The following IFT122 variants were observed in gnomAD, a reference collection of about 807,000 sequenced individuals.
IFT122 encodes the protein intraflagellar transport 122, also known as intraflagellar transport protein 122 homolog.
IFT122 carries 118 observed loss-of-function variants against 161.6 expected under a neutral mutation model. The observed-to-expected ratio is 0.73, with a 90% CI of 0.63 to 0.85. The LOEUF (loss-of-function observed/expected upper bound fraction) is 0.85. IFT122 is among the 40% of genes least tolerant of loss of function. IFT122 has a pLI of 0.00. For synonymous variants in IFT122, 550 were observed against 602.4 expected, an observed-to-expected ratio of 0.91 and a Z score of 1.27; for missense variants, 1,381 against 1,579.6, an observed-to-expected ratio of 0.87 and a Z score of 2.13.
chr3:129,466,752 C>G (rs535052561), intron 7 of IFT122, 138 bp from the exon 8 acceptor site: 2 of 793,896 alleles, frequency 2.5e-6, no homozygotes, highest in Admixed American at 3.6e-5. Flanking sequence ...ATTCACTTGC[C>G]TCGGCCTCCT....
intron 7 of IFT122, among the ~76,000 whole-genome samples, chr3:129,465,396 C>A (rs1380773755): frequency 1.3e-5 from 2 of 151,514 alleles, no homozygotes; most frequent in Non-Finnish European, 2.9e-5. Context: ...TGGCACCTAC[C>A]TTCTTAAATT....
intron 17 of IFT122, among the ~76,000 whole-genome samples, chr3:129,492,816 C>CT (rs376279677): frequency 0.09 from 11,363 of 125,690 alleles, 928 homozygotes; most frequent in African/African-American, 0.2. Flanking sequence ...CTTTTTTTTT[C>CT]TTTTTTTTTT....
intron 3 of IFT122, 179 bp downstream of exon 3, chr3:129,452,177 T>C (rs1281523603): frequency 1.3e-5 from 8 of 606,662 alleles, no homozygotes; most frequent in African/African-American, 1.3e-4. Flanking sequence ...ATTGAGGTCA[T>C]CTATGTTCCA....
At chr3:129,516,001 C>T (rs186776586) in intron 26 of IFT122, among the ~76,000 whole-genome samples, 19 of 151,904 alleles carry the variant, frequency 1.3e-4, no homozygotes, top group African/African-American at 3.6e-4. Context: ...CAGACACACA[C>T]GCACACACAG....
intron 13 of IFT122, among the ~76,000 whole-genome samples, chr3:129,481,198 A>G (rs1376010077): frequency 6.6e-6 from 1 of 152,168 alleles, no homozygotes; most frequent in African/African-American, 2.4e-5. Context: ...TTCGTGACTC[A>G]GATCTCTGCT....
chr3:129,499,467 A>C (rs984859402), intron 18 of IFT122, among the ~76,000 whole-genome samples: 1 of 152,160 alleles, frequency 6.6e-6, no homozygotes, highest in African/African-American at 2.4e-5. Flanking sequence ...ACAGGTCTCG[A>C]TATGTGGAAT....
intron 14 of IFT122, among the ~76,000 whole-genome samples, chr3:129,482,166 C>G (rs534759841): frequency 4.3e-4 from 65 of 152,214 alleles, no homozygotes; most frequent in Non-Finnish European, 7.6e-4. Flanking sequence ...GATGGGCAAG[C>G]CTGGCCTTCT....
chr3:129,466,616 C>T (rs779898200), intron 7 of IFT122, among the ~76,000 whole-genome samples: 7 of 151,246 alleles, frequency 4.6e-5, no homozygotes, highest in Non-Finnish European at 8.8e-5. Flanking sequence ...ATCCTCTCAC[C>T]TCAGCCTCCC....
chr3:129,479,429 C>T (rs553446736), intron 12 of IFT122, among the ~76,000 whole-genome samples: 2 of 152,170 alleles, frequency 1.3e-5, no homozygotes, highest in South Asian at 4.2e-4. Flanking sequence ...GAGTGAGACT[C>T]TGTCTCAAAA....
chr3:129,493,743 T>A (rs1187592084), intron 17 of IFT122, among the ~76,000 whole-genome samples: 2 of 152,216 alleles, frequency 1.3e-5, no homozygotes, highest in Non-Finnish European at 2.9e-5. Context: ...CACTTGTAAA[T>A]CCACTGGCCT....
At position 129,498,716 on chromosome 3, in the gene IFT122, T is replaced by C. The variant is rs188203356; in HGVS notation, c.2209-1186T>C. On this transcript the variant is annotated intron_variant, in intron 18 of 29. Transcript: ENST00000348417. ...ACATTGACTGTACTTTTCTGACACA[T>C]GAGTGTTAATCATGGGGAAAGGAGT... Among the ~76,000 whole-genome samples, 570 of 152,322 alleles carry C rather than the reference T, an allele frequency of 3.7e-3. 4 individuals carry two copies. The highest frequency in any genetic ancestry group is 0.013 in the African/African-American group (547 of 41,568).
At chr3:129,464,206 C>T (rs940430397) in intron 6 of IFT122, among the ~76,000 whole-genome samples, 3 of 152,290 alleles carry the variant, frequency 2.0e-5, no homozygotes, top group Middle Eastern at 3.4e-3. Flanking sequence ...AGGAGTATAT[C>T]CCTTCCGTTC....
intron 7 of IFT122, 147 bp from the exon 8 acceptor site, chr3:129,466,743 T>C (rs2076837538): frequency 2.7e-6 from 2 of 748,960 alleles, no homozygotes; most frequent in Non-Finnish European, 4.7e-6. Flanking sequence ...TCTCGAGCGA[T>C]TCACTTGCCT....
intron 6 of IFT122, 77 bp from the exon 7 acceptor site, chr3:129,464,558 A>G: frequency 6.4e-7 from 1 of 1,563,686 alleles, no homozygotes; most frequent in Non-Finnish European, 8.8e-7. Context: ...TTTCAAACCA[A>G]GGCATCATCC....
intron 1 of IFT122, among the ~76,000 whole-genome samples, chr3:129,441,934 GCT>G (rs1228002577): frequency 2.6e-5 from 4 of 152,170 alleles, no homozygotes; most frequent in African/African-American, 9.7e-5. Flanking sequence ...AAACTGCAGA[GCT>G]CATGCTCGGC....
chr3:129,451,246 A>G (rs2074803697), intron 2 of IFT122, among the ~76,000 whole-genome samples: 1 of 151,904 alleles, frequency 6.6e-6, no homozygotes, highest in Non-Finnish European at 1.5e-5. Context: ...CTGTGGACAC[A>G]CACCACCTCG....
intron 15 of IFT122, among the ~76,000 whole-genome samples, chr3:129,485,493 G>T (rs1355904453): frequency 1.3e-5 from 2 of 152,216 alleles, no homozygotes; most frequent in Non-Finnish European, 2.9e-5. Context: ...GGAATGAGGT[G>T]GGTGGAAGTG....
In IFT122 at chr3:129,519,690, G is replaced by T. The variant is rs775936679; in HGVS notation, c.3594G>T (p.Leu1198=). Residue 1198 remains leucine, a synonymous_variant, in exon 29 of 30, where the codon CTG becomes CTT. Coordinates refer to ENST00000348417, the MANE Select transcript of IFT122 (RefSeq NM_052989.3). ...TGAGGTGGCAATACTTCCGCTCACT[G>T]CTGCCTGACGCCTCCATTACCATGT... is the stretch of plus-strand genomic sequence containing the variant. ...PPLRWQYFRS[L]LPDASITMCP... 3.3e-5 allele frequency: 54 copies of T among 1,613,716 alleles called. 1 individual carries two copies. The Admixed American group carries it at 8.7e-4, about 26-fold the overall frequency.
chr3:129,495,376 C>T, intron 17 of IFT122, 70 bp from the exon 18 acceptor site: 1 of 1,587,760 alleles, frequency 6.3e-7, no homozygotes, highest in Non-Finnish European at 8.6e-7. Context: ...ATAGCCACAT[C>T]TAACCTTTGT....
Sources: allele counts gnomAD v4.1 joint callset (sites outside exome capture counted in the v4.1 genomes callset), GRCh38; gene constraint gnomAD v4.1.1; transcripts MANE v1.5; gene names NCBI Gene and HGNC (gene_info 2026-07-23, HGNC 2026-07-21).